The following REEP4 variants were observed in gnomAD, a reference collection of about 807,000 sequenced individuals.
REEP4 encodes the protein receptor accessory protein 4, also known as receptor expression-enhancing protein 4.
In REEP4, 17 loss-of-function variants were observed where a neutral mutation model predicts 33.5. The observed-to-expected ratio is 0.51, with a 90% CI of 0.35 to 0.76. The LOEUF is 0.76. Among genes scored for constraint, REEP4 ranks in the 30% least tolerant of loss-of-function variants. REEP4 has a pLI of 0.01. For missense variants in REEP4, 340 were observed against 357.9 expected, an observed-to-expected ratio of 0.95 and a Z score of 0.40; for synonymous variants, 157 against 142.9, an observed-to-expected ratio of 1.10 and a Z score of -0.70.
intron 1 of REEP4, 38 bp from the exon 2 acceptor site, chr8:22,140,735 G>GC (rs1427544136): frequency 6.4e-7 from 1 of 1,562,270 alleles, no homozygotes; most frequent in East Asian, 2.2e-5. Flanking sequence ...GGGGCACCAT[G>GC]CCCCACTCCC....
At chr8:22,139,219 C>T (rs1211241844) in intron 5 of REEP4, 158 bp from the exon 6 acceptor site, 2 of 1,072,738 alleles carry the variant, frequency 1.9e-6, no homozygotes, top group Non-Finnish European at 1.4e-6. Flanking sequence ...AGAGCAGGAG[C>T]CGCTGCTTAC....
rs1463190601 is a variant in REEP4 at position 22,140,008 on chromosome 8, C to T, written c.258G>A (p.Leu86=). The change falls in exon 4 of 8, where the codon CTG becomes CTA. Residue 86 remains leucine (L), a synonymous_variant. Coordinates refer to ENST00000306306, the MANE Select transcript of REEP4 (RefSeq NM_025232.4). The stretch of plus-strand genomic sequence containing the variant: ...ACGGGTGGACAAACTTGCGGTAAAG[C>T]AGGCTGGCGCCCTTGGTGTAGGGTG... ...LLSPYTKGAS[L]LYRKFVHPSL... is the part of the protein sequence containing the mutation. 1.9e-6 allele frequency: 3 copies of T among 1,597,778 alleles called. No homozygotes were observed. The highest frequency in any genetic ancestry group is 1.7e-6 in the Non-Finnish European group (2 of 1,171,734).
chr8:22,138,215 G>C lies in REEP4; in HGVS notation c.*272C>G. ...GTTCAGGGAGGGTTGCAGGGGTTCA[G>C]GGAGGGCTCTTGTCCCACAACCGGG... On this transcript the variant is annotated 3_prime_UTR_variant, in exon 8 of 8. Transcript: ENST00000306306. 1 of 633,752 alleles carries C rather than the reference G, an allele frequency of 1.6e-6. No homozygotes were observed. Among genetic ancestry groups the C allele is most frequent in the Non-Finnish European group, 2.9e-6 (1 of 349,398 alleles). The allele number at this position is 633,752 out of a possible 1,614,324, so 39.3% of individuals were successfully genotyped here.
Position 22,139,945 on chromosome 8 carries a change from C to T in REEP4, c.303+18G>A, listed in dbSNP as rs372725826. On this transcript the variant is annotated intron_variant, in intron 4 of 7. Transcript: ENST00000306306. Reference sequence around the variant, plus strand: ...ATACCCACCCCTAAGCCTCCCTTCCCGCTTCCCCCTGGGGTACCTTCTCAT... The same window carrying T: ...ATACCCACCCCTAAGCCTCCCTTCCTGCTTCCCCCTGGGGTACCTTCTCAT... 870 of 1,571,352 alleles carry T rather than the reference C, an allele frequency of 5.5e-4. 1 individual carries two copies. The highest frequency in any genetic ancestry group is 7.2e-4 in the Non-Finnish European group (834 of 1,157,376).
At chr8:22,139,383 G>T (rs141845181) in intron 5 of REEP4, 33 bp downstream of exon 5, 4 of 1,543,382 alleles carry the variant, frequency 2.6e-6, no homozygotes, top group Non-Finnish European at 3.5e-6. Context: ...GGGGTGGGAT[G>T]GGGGCTGCTG....
In REEP4 at chr8:22,141,640, G is replaced by A; in HGVS notation, c.-158C>T. 1.4e-6 allele frequency: 1 copy of A among 692,990 alleles called. No homozygotes were observed. The highest frequency in any genetic ancestry group is 2.3e-6 in the Non-Finnish European group (1 of 430,828). 42.9% of individuals were successfully genotyped at this position (692,990 alleles called of 1,614,324 possible). On this transcript the variant is annotated 5_prime_UTR_variant, in exon 1 of 8. Transcript: ENST00000306306. ...GCAGAGCCCGCCGCCCACGGCCTCC[G>A]ACTGTGCAGTTCAGGGGACCTGGAG...
Position 22,138,542 on chromosome 8 carries a change from C to A in REEP4, c.719G>T (p.Arg240Leu), listed in dbSNP as rs745371671. The A allele has an allele frequency of 6.2e-7, 1 of 1,613,876 alleles. No homozygotes were observed. Among genetic ancestry groups the A allele is most frequent in the Non-Finnish European group, 8.5e-7 (1 of 1,180,020 alleles). Residue 240 changes from arginine (R) to leucine (L), a missense_variant, in exon 8 of 8, where the codon CGC becomes CTC. Physicochemically the swap from Arg to Leu is moderately radical, Grantham distance 102 (BLOSUM62 -2). Transcript: ENST00000306306. ...TTTCCTCGTCCGAACCTTCAGGGAG[C>A]GCGAGGTGCCCTGGGGAAAGGGGAG... ...RKPPVREGTS[R>L]SLKVRTRKKT...
Position 22,139,011 on chromosome 8 carries a change from C to T in REEP4, c.468G>A (p.Leu156=), listed in dbSNP as rs984998401. The change falls in exon 6 of 8, where the codon CTG becomes CTA. Residue 156 remains leucine (L), a synonymous_variant. Coordinates refer to ENST00000306306, the MANE Select transcript of REEP4 (RefSeq NM_025232.4). ...GGGCAGGTGCGTCAGAGATGGAGCG[C>T]AGGTCCTGCATGGAGAAGCTCCGCA... The part of the protein sequence containing the change: ...GRLRSFSMQD[L]RSISDAPAPA... 2.4e-5 allele frequency: 38 copies of T among 1,605,332 alleles called. 1 individual carries two copies. Among genetic ancestry groups the T allele is most frequent in the Non-Finnish European group, 8.5e-7 (1 of 1,176,466 alleles).
In REEP4 at chr8:22,141,697, C is replaced by A; in HGVS notation, c.-215G>T. ...GAGACCCGAGGCAAAGCGGCCCCGG[C>A]GGGGAGGAAGCCGACTTGGGAGCGG... On this transcript the variant is annotated 5_prime_UTR_variant, in exon 1 of 8. Transcript: ENST00000306306. The A allele has an allele frequency of 2.3e-6, 1 of 428,812 alleles. No individual in the cohort carries two copies. Among genetic ancestry groups the A allele is most frequent in the Non-Finnish European group, 4.1e-6 (1 of 246,634 alleles). 26.6% of individuals were successfully genotyped at this position (428,812 alleles called of 1,614,324 possible). A position where few individuals can be genotyped will look rare whatever the true frequency, so the allele number is the denominator to read the frequency against.
chr8:22,140,208 A>G lies in REEP4; in HGVS notation c.146T>C (p.Met49Thr). ...AATGTCTGTAACGATCTCTGCTGCC[A>G]TGAAGAGTGCAAAAACAATCCAGTA... ...MMYWIVFALF[M>T]AAEIVTDIFI... is the part of the protein sequence containing the mutation. Residue 49 changes from methionine to threonine, a missense_variant, in exon 3 of 8, where the codon ATG (methionine) becomes ACG (threonine). Met to Thr is a moderately conservative substitution (Grantham distance 81). Transcript: ENST00000306306. 1 of 1,614,162 alleles carries G rather than the reference A, an allele frequency of 6.2e-7. No individual in the cohort carries two copies. Among genetic ancestry groups the G allele is most frequent in the Non-Finnish European group, 8.5e-7 (1 of 1,180,036 alleles).
Position 22,141,787 on chromosome 8 carries a change from C to T in REEP4, c.-305G>A. 1 of 365,166 alleles carries T rather than the reference C, an allele frequency of 2.7e-6. No individual in the cohort carries two copies. The allele number at this position is 365,166 out of a possible 1,614,324, so 22.6% of individuals were successfully genotyped here. ...CCTTTCTGCCGCGGAGAACCTGGCG[C>T]TCGGCCCTTGCTGCTGGTCCCGCGC... On this transcript the variant is annotated 5_prime_UTR_variant, in exon 1 of 8. Transcript: ENST00000306306.
Position 22,139,072 on chromosome 8 carries a change from G to T in REEP4, c.418-11C>A. On this transcript the variant is annotated splice_polypyrimidine_tract_variant and intron_variant, in intron 5 of 7. Transcript: ENST00000306306. ...CAGCGCCCCCTGACTCTGCGAGGGG[G>T]AAGAGGCTTCAGCGGGGAGGCTGCC... 1.3e-6 allele frequency: 2 copies of T among 1,565,470 alleles called. No homozygotes were observed. Among genetic ancestry groups the T allele is most frequent in the Non-Finnish European group, 1.7e-6 (2 of 1,156,522 alleles).
At position 22,140,655 on chromosome 8, in the gene REEP4, C is replaced by T. The variant is rs1200001830; in HGVS notation, c.75G>A (p.Lys25=). The change falls in exon 2 of 8, where the codon AAG becomes AAA. Residue 25 remains lysine, a synonymous_variant. Coordinates refer to ENST00000306306, the MANE Select transcript of REEP4 (RefSeq NM_025232.4). The part of the protein sequence containing the change: ...GMLCPAYASY[K]AVKTKNIREY... Reference sequence around the variant, plus strand: ...CACGAATGTTCTTGGTCTTCACAGCCTTATAGGAAGCATAAGCTGGACACA... The same window carrying T: ...CACGAATGTTCTTGGTCTTCACAGCTTTATAGGAAGCATAAGCTGGACACA... 5 of 1,613,864 alleles carry T rather than the reference C, an allele frequency of 3.1e-6. No homozygotes were observed. Among genetic ancestry groups the T allele is most frequent in the Non-Finnish European group, 4.2e-6 (5 of 1,179,882 alleles).
Position 22,141,569 on chromosome 8 carries a change from G to A in REEP4, c.-87C>T. ...AGGGCTGGGACGGGGGGTGATCAGG[G>A]CAGTTGCGGGAAGCAGAGGGGCGAT... On this transcript the variant is annotated 5_prime_UTR_variant, in exon 1 of 8. Coordinates refer to ENST00000306306, the MANE Select transcript of REEP4 (RefSeq NM_025232.4). The A allele has an allele frequency of 2.8e-6, 4 of 1,418,194 alleles. No homozygotes were observed. The highest frequency in any genetic ancestry group is 3.8e-6 in the Non-Finnish European group (4 of 1,050,108). 87.9% of individuals were successfully genotyped at this position (1,418,194 alleles called of 1,614,324 possible).
chr8:22,140,742 T>A, intron 1 of REEP4, 45 bp from the exon 2 acceptor site: 1 of 1,534,590 alleles, frequency 6.5e-7, no homozygotes, highest in Non-Finnish European at 8.9e-7. Flanking sequence ...CATGCCCCAC[T>A]CCCACCTTGC....
chr8:22,139,638 A>C (rs2131781385), intron 4 of REEP4, 109 bp from the exon 5 acceptor site: 1 of 894,620 alleles, frequency 1.1e-6, no homozygotes. Context: ...GCCCAGCCCC[A>C]CCTGGTGCCC....
At chr8:22,139,607 G>T in intron 4 of REEP4, 78 bp from the exon 5 acceptor site, 1 of 1,234,734 alleles carries the variant, frequency 8.1e-7, no homozygotes, top group Non-Finnish European at 1.1e-6. Context: ...GAAGCCACTG[G>T]TTGTGGCGCC....
chr8:22,139,062 C>T lies in REEP4; in HGVS notation c.418-1G>A, dbSNP rs549472606. ...GCCTGCCGGCCAGCGCCCCCTGACT[C>T]TGCGAGGGGGAAGAGGCTTCAGCGG... On this transcript the variant is annotated splice_acceptor_variant, in intron 5 of 7. Coordinates refer to ENST00000306306, the MANE Select transcript of REEP4 (RefSeq NM_025232.4). LOFTEE classifies it high-confidence loss of function. 1.9e-6 allele frequency: 3 copies of T among 1,567,768 alleles called. No individual in the cohort carries two copies. Among genetic ancestry groups the T allele is most frequent in the Middle Eastern group, 1.7e-4 (1 of 5,826 alleles).
At chr8:22,140,729 C>T (rs756181459) in intron 1 of REEP4, 32 bp from the exon 2 acceptor site, 14 of 1,570,878 alleles carry the variant, frequency 8.9e-6, no homozygotes, top group African/African-American at 4.1e-5. Flanking sequence ...GTGTGAGGGG[C>T]ACCATGCCCC....
Sources: gnomAD v4.1 joint callset for allele counts on GRCh38, gnomAD v4.1.1 for gene constraint, MANE v1.5 for transcripts, NCBI Gene and HGNC (gene_info 2026-07-23, HGNC 2026-07-21) for gene names.